DTWD2: variants seen among roughly 807,000 people sequenced by gnomAD.
DTWD2 encodes DTW motif tRNA-uridine aminocarboxypropyltransferase 2, also known as tRNA-uridine aminocarboxypropyltransferase 2.
DTWD2 carries 39 observed loss-of-function variants against 31.8 expected under a neutral mutation model. The observed-to-expected ratio is 1.22, with a 90% CI of 0.95 to 1.60. The LOEUF is 1.60. DTWD2 is among the 40% of genes most tolerant of loss of function. The pLI, the probability that DTWD2 is intolerant of heterozygous loss-of-function variation, is 0.00. For missense variants in DTWD2, 515 were observed against 381.5 expected (o/e 1.35, Z -2.92); for synonymous variants, 180 against 142.8 (o/e 1.26, Z -1.86).
chr5:118,939,267 A>G lies in DTWD2; in HGVS notation c.333T>C (p.Val111=). 1 of 1,586,844 alleles carries G rather than the reference A, an allele frequency of 6.3e-7. No homozygotes were observed. Among genetic ancestry groups the G allele is most frequent in the Non-Finnish European group, 8.6e-7 (1 of 1,166,382 alleles). The part of the protein sequence containing the change: ...PAEENKVLRT[V]PLLAACLPQD... Reference sequence around the variant, plus strand: ...GGGGGAGGCATGCTGCTAGTAGAGGAACTGTACGCAACACTTTGTTTTCCT... The same window carrying G: ...GGGGGAGGCATGCTGCTAGTAGAGGGACTGTACGCAACACTTTGTTTTCCT... The change falls in exon 3 of 6, where the codon GTT becomes GTC. Residue 111 remains valine, a synonymous_variant. Coordinates refer to ENST00000510708, the MANE Select transcript of DTWD2 (RefSeq NM_173666.4).
At chr5:118,941,451 T>C (rs111368833) in intron 2 of DTWD2, among the ~76,000 whole-genome samples, 2,605 of 152,282 alleles carry the variant, frequency 0.017, 76 homozygotes, top group African/African-American at 0.06. Context: ...CCTTGTGATA[T>C]AGTTTGCTAA....
intron 1 of DTWD2, among the ~76,000 whole-genome samples, chr5:118,957,488 G>A (rs1212722035): frequency 1.3e-5 from 2 of 152,080 alleles, no homozygotes; most frequent in Non-Finnish European, 2.9e-5. Flanking sequence ...ACAAAGTGCT[G>A]GGATTACAGG....
At chr5:118,979,019 T>C (rs1755228749) in intron 1 of DTWD2, among the ~76,000 whole-genome samples, 1 of 134,200 alleles carries the variant, frequency 7.5e-6, no homozygotes, top group Non-Finnish European at 1.6e-5. Flanking sequence ...AAATAAAAAA[T>C]AGAGGCCAGG....
chr5:118,863,006 G>T (rs1311456509), intron 4 of DTWD2, among the ~76,000 whole-genome samples: 1 of 152,130 alleles, frequency 6.6e-6, no homozygotes, highest in Non-Finnish European at 1.5e-5. Context: ...ACCTGATCTT[G>T]CTGAACTGCT....
intron 4 of DTWD2, among the ~76,000 whole-genome samples, chr5:118,887,067 T>C (rs192766903): frequency 6.4e-4 from 97 of 152,348 alleles, no homozygotes; most frequent in African/African-American, 2.3e-3. Flanking sequence ...TTGAAATTGC[T>C]ATTACTAGCA....
intron 4 of DTWD2, among the ~76,000 whole-genome samples, chr5:118,871,862 G>T (rs73236952): frequency 0.035 from 5,273 of 152,204 alleles, 303 homozygotes; most frequent in African/African-American, 0.12. Context: ...TGAAACCCAG[G>T]CACTGATTTC....
In DTWD2 at chr5:118,942,552, G is replaced by A. The variant is rs143630282; in HGVS notation, c.309+2007C>T. ...AGGCCAAGCATGATGGCTCACGCCC[G>A]TAATCCTAGCACTGTGGGAGGCTGA... is the stretch of plus-strand genomic sequence containing the variant. On this transcript the variant is annotated intron_variant, in intron 2 of 5. Coordinates refer to ENST00000510708, the MANE Select transcript of DTWD2 (RefSeq NM_173666.4). Among the ~76,000 whole-genome samples the A allele has an allele frequency of 4.4e-3, 671 of 151,614 alleles. 3 individuals carry two copies. The highest frequency in any genetic ancestry group is 6.5e-3 in the Non-Finnish European group (438 of 67,896).
rs2112659451 is a variant in DTWD2, at chr5:118,837,479, TAAC to T, written c.*3435_*3437del. On this transcript the variant is annotated 3_prime_UTR_variant, in exon 6 of 6. Transcript: ENST00000510708. ...TCAATAAAATTTACTTCTGAACCAA[TAAC>T]AACTACAGGCAAGGGTCAACAATTT... is the stretch of plus-strand genomic sequence containing the variant. 1 of 152,266 alleles carries T rather than the reference TAAC, an allele frequency of 6.6e-6. No homozygotes were observed. Among genetic ancestry groups the T allele is most frequent in the Non-Finnish European group, 1.5e-5 (1 of 68,012 alleles). The allele number at this position is 152,266 out of a possible 1,614,324, so 9.4% of individuals were successfully genotyped here.
At chr5:118,941,749 G>T (rs1030690112) in intron 2 of DTWD2, among the ~76,000 whole-genome samples, 1 of 152,144 alleles carries the variant, frequency 6.6e-6, no homozygotes, top group Non-Finnish European at 1.5e-5. Context: ...CTGAGGAATC[G>T]CCACACAGAC....
chr5:118,915,278 T>C (rs1753548505), intron 4 of DTWD2, among the ~76,000 whole-genome samples: 1 of 151,874 alleles, frequency 6.6e-6, no homozygotes, highest in African/African-American at 2.4e-5. Context: ...AGTGATCAGG[T>C]ACTAGAAGGC....
In DTWD2 at chr5:118,988,478, C is replaced by T. The variant is rs773855671; in HGVS notation, c.34G>A (p.Glu12Lys). Residue 12 changes from glutamate (E) to lysine (K), a missense_variant, in exon 1 of 6, where the codon GAG (glutamate) becomes AAG (lysine). Transcript: ENST00000510708. ...GCCCCAGAAGGCCGCGCAACGGGCT[C>T]CTGGAGTGTTCGTGCCTCTTTCTGC... ...ESQKEARTLQEPVARPSGASS... is the reference protein window; with the variant it reads ...ESQKEARTLQKPVARPSGASS... The T allele has an allele frequency of 5.6e-6, 9 of 1,601,634 alleles. No individual in the cohort carries two copies. In the African/African-American group the frequency reaches 1.2e-4, roughly 22 times the overall value.
intron 1 of DTWD2, among the ~76,000 whole-genome samples, chr5:118,952,162 C>G (rs755942996): frequency 6.6e-6 from 1 of 152,158 alleles, no homozygotes; most frequent in Non-Finnish European, 1.5e-5. Flanking sequence ...GCTGGTTGGT[C>G]TGAGGACCAG....
intron 1 of DTWD2, chr5:118,973,960 AGAGGAAGAAGGT>A (rs1266415204): frequency 6.3e-7 from 1 of 1,585,006 alleles, no homozygotes; most frequent in East Asian, 2.2e-5. Context: ...TAGATGAAGA[AGAGGAAGAAGGT>A]GGGGAGGAAG....
At chr5:118,859,367 C>T (rs978014420) in intron 4 of DTWD2, among the ~76,000 whole-genome samples, 2 of 152,040 alleles carry the variant, frequency 1.3e-5, no homozygotes, top group Non-Finnish European at 2.9e-5. Context: ...TGATTTTTCA[C>T]TTATTTTTAA....
chr5:118,885,056 C>A (rs1267779071), intron 4 of DTWD2, among the ~76,000 whole-genome samples: 1 of 149,738 alleles, frequency 6.7e-6, no homozygotes. Flanking sequence ...TGCCTGTGAT[C>A]CCAACACTTT....
rs565846236 is a variant in DTWD2, at chr5:118,928,430, C to T, written c.597+107G>A. The T allele has an allele frequency of 2.0e-4, 148 of 732,412 alleles. 2 individuals are homozygous for T. In the African/African-American group the frequency reaches 2.2e-3, roughly 11 times the overall value. The allele number at this position is 732,412 out of a possible 1,614,324, so 45.4% of individuals were successfully genotyped here. On this transcript the variant is annotated intron_variant, in intron 4 of 5. Transcript: ENST00000510708. Reference sequence around the variant, plus strand: ...TACTATATATTCACACATAGAAATACCACCAAATTCATATATAAAAATCTA... The same window carrying T: ...TACTATATATTCACACATAGAAATATCACCAAATTCATATATAAAAATCTA...
chr5:118,909,411 G>A (rs1373232677), intron 4 of DTWD2, among the ~76,000 whole-genome samples: 1 of 152,122 alleles, frequency 6.6e-6, no homozygotes, highest in Non-Finnish European at 1.5e-5. Context: ...GAAACCAATA[G>A]CCAGCCAAGC....
intron 3 of DTWD2, among the ~76,000 whole-genome samples, chr5:118,929,837 A>C (rs1387131988): frequency 6.6e-6 from 1 of 152,178 alleles, no homozygotes; most frequent in Non-Finnish European, 1.5e-5. Context: ...AGGAAATAAT[A>C]ACTGAAAGTC....
At chr5:118,963,477 C>A (rs147974071) in intron 1 of DTWD2, among the ~76,000 whole-genome samples, 1 of 152,198 alleles carries the variant, frequency 6.6e-6, no homozygotes, top group Non-Finnish European at 1.5e-5. Flanking sequence ...AGGCTGAGGA[C>A]TGACCTGCAG....
Sources: gnomAD v4.1 joint callset for allele counts (sites outside exome capture counted in the v4.1 genomes callset) on GRCh38, gnomAD v4.1.1 for gene constraint, MANE v1.5 for transcripts, NCBI Gene and HGNC (gene_info 2026-07-23, HGNC 2026-07-21) for gene names.